PCED1B: variants seen among roughly 807,000 people sequenced by gnomAD.
The protein encoded by PCED1B is PC-esterase domain containing 1B, also known as PC-esterase domain-containing protein 1B.
For missense variants in PCED1B, 573 were observed against 573.9 expected, an observed-to-expected ratio of 1.00 and a Z score of 0.02; for synonymous variants, 251 against 246.1, an observed-to-expected ratio of 1.02 and a Z score of -0.19.
intron 2 of PCED1B, among the ~76,000 whole-genome samples, chr12:47,149,696 A>T (rs1940920147): frequency 1.3e-5 from 2 of 152,206 alleles, no homozygotes; most frequent in South Asian, 4.1e-4. Flanking sequence ...CAAAAATAAT[A>T]CTTATTCATT....
At chr12:47,087,574 A>G (rs1430992632) in intron 1 of PCED1B, among the ~76,000 whole-genome samples, 1 of 152,234 alleles carries the variant, frequency 6.6e-6, no homozygotes, top group African/African-American at 2.4e-5. Flanking sequence ...AGAAATAATT[A>G]TAGGATATAA....
At chr12:47,209,585 GAA>G (rs1196725788) in intron 2 of PCED1B, 2 of 152,204 alleles carry the variant, frequency 1.3e-5, no homozygotes, top group Non-Finnish European at 2.9e-5. Context: ...TTGATTTTGT[GAA>G]AAGAGTTGAT....
intron 2 of PCED1B, among the ~76,000 whole-genome samples, chr12:47,169,673 T>C (rs141585349): frequency 2.6e-5 from 4 of 152,262 alleles, no homozygotes; most frequent in African/African-American, 9.6e-5. Flanking sequence ...TACAAAGTAA[T>C]TACTAGTATA....
intron 2 of PCED1B, among the ~76,000 whole-genome samples, chr12:47,197,523 G>C (rs146556728): frequency 1.3e-5 from 2 of 151,332 alleles, no homozygotes; most frequent in African/African-American, 2.4e-5. Context: ...CAGGAGAATC[G>C]CTTAAACCCA....
chr12:47,235,849 G>A lies in PCED1B; in HGVS notation c.786G>A (p.Val262=). The part of the protein sequence containing the change: ...WGVELPHRHP[V]GEWIKKKKPG... ...TGGAGCTGCCCCACCGCCACCCCGT[G>A]GGCGAGTGGATCAAGAAGAAAAAAC... is the stretch of plus-strand genomic sequence containing the variant. Residue 262 remains valine, a synonymous_variant, in exon 4 of 4, where the codon GTG becomes GTA. Transcript: ENST00000546455. The A allele has an allele frequency of 1.3e-6, 2 of 1,575,278 alleles. No homozygotes were observed. The highest frequency in any genetic ancestry group is 4.7e-5 in the East Asian group (2 of 42,444).
chr12:47,099,288 G>A (rs1938605766), intron 1 of PCED1B, among the ~76,000 whole-genome samples: 1 of 152,198 alleles, frequency 6.6e-6, no homozygotes, highest in African/African-American at 2.4e-5. Context: ...AGGAGCACCG[G>A]AACACCGGCT....
chr12:47,176,815 T>C (rs1941939453), intron 2 of PCED1B, among the ~76,000 whole-genome samples: 1 of 152,078 alleles, frequency 6.6e-6, no homozygotes, highest in Admixed American at 6.5e-5. Flanking sequence ...CTGACGCTAT[T>C]TCCAATGTCA....
intron 1 of PCED1B, among the ~76,000 whole-genome samples, chr12:47,098,821 G>A (rs534240631): frequency 2.6e-5 from 4 of 152,258 alleles, no homozygotes; most frequent in South Asian, 4.1e-4. Context: ...AAAAGAGAGA[G>A]TCAAAAAACA....
At chr12:47,125,719 C>T (rs1939860203) in intron 2 of PCED1B, among the ~76,000 whole-genome samples, 1 of 152,056 alleles carries the variant, frequency 6.6e-6, no homozygotes, top group African/African-American at 2.4e-5. Flanking sequence ...AAGCCTTGGA[C>T]AGCTTTTGTC....
At chr12:47,223,151 G>A (rs1290430539) in intron 3 of PCED1B, among the ~76,000 whole-genome samples, 1 of 152,100 alleles carries the variant, frequency 6.6e-6, no homozygotes, top group Non-Finnish European at 1.5e-5. Flanking sequence ...TTGGGGAACT[G>A]CCAGAGAAAG....
chr12:47,125,910 A>C (rs963878711), intron 2 of PCED1B, among the ~76,000 whole-genome samples: 1 of 152,064 alleles, frequency 6.6e-6, no homozygotes, highest in East Asian at 1.9e-4. Flanking sequence ...AAAATGTTTC[A>C]TAGGATTTTC....
chr12:47,228,309 T>C (rs929669699), intron 3 of PCED1B, among the ~76,000 whole-genome samples: 3 of 152,048 alleles, frequency 2.0e-5, no homozygotes, highest in African/African-American at 7.2e-5. Flanking sequence ...ATTACAGGCA[T>C]GATCCACCGT....
chr12:47,213,866 T>A (rs773137669), intron 2 of PCED1B, among the ~76,000 whole-genome samples: 4 of 152,240 alleles, frequency 2.6e-5, no homozygotes, highest in Admixed American at 1.3e-4. Flanking sequence ...TCTGTTGATC[T>A]CAACTTTATT....
chr12:47,132,984 A>T (rs1207418220), intron 2 of PCED1B, among the ~76,000 whole-genome samples: 1 of 152,194 alleles, frequency 6.6e-6, no homozygotes, highest in Non-Finnish European at 1.5e-5. Flanking sequence ...ATACTATTCT[A>T]CTTTAATATG....
chr12:47,102,420 C>T (rs750561999), intron 1 of PCED1B, among the ~76,000 whole-genome samples: 2 of 152,176 alleles, frequency 1.3e-5, no homozygotes, highest in Non-Finnish European at 2.9e-5. Flanking sequence ...CATTCCCATT[C>T]GCCTATCCCT....
intron 2 of PCED1B, among the ~76,000 whole-genome samples, chr12:47,129,599 A>T (rs1025689693): frequency 2.0e-5 from 3 of 152,226 alleles, no homozygotes; most frequent in African/African-American, 7.2e-5. Context: ...TTAAAAAAAA[A>T]ATTTTTTTAA....
At chr12:47,186,185 T>TGTCAC (rs1942257923) in intron 2 of PCED1B, among the ~76,000 whole-genome samples, 1 of 144,936 alleles carries the variant, frequency 6.9e-6, no homozygotes, top group Non-Finnish European at 1.5e-5. Context: ...GCCCCTGCAC[T>TGTCAC]CCAGCCTGGG....
At position 47,235,269 on chromosome 12, in the gene PCED1B, A is replaced by T; in HGVS notation, c.206A>T (p.His69Leu). The T allele has an allele frequency of 6.2e-7, 1 of 1,614,106 alleles. No individual in the cohort carries two copies. The highest frequency in any genetic ancestry group is 8.5e-7 in the Non-Finnish European group (1 of 1,180,008). The change falls in exon 4 of 4, where the codon CAC (histidine) becomes CTC (leucine). Residue 69 changes from histidine to leucine, a missense_variant. Physicochemically the swap from His to Leu is moderately conservative, Grantham distance 99. Transcript: ENST00000546455. ...DELVDGGQRG[H>L]MHNGLNYREV... Reference sequence around the variant, plus strand: ...CTGGTGGACGGAGGCCAGCGGGGCCACATGCACAACGGCCTTAACTACCGT... The same window carrying T: ...CTGGTGGACGGAGGCCAGCGGGGCCTCATGCACAACGGCCTTAACTACCGT...
chr12:47,211,049 C>T (rs981889305), intron 2 of PCED1B, among the ~76,000 whole-genome samples: 16 of 152,146 alleles, frequency 1.1e-4, no homozygotes, highest in South Asian at 6.2e-4. Context: ...CTTTTCATGG[C>T]GCTATTTTCA....
Sources: gnomAD v4.1 joint callset for allele counts (sites outside exome capture counted in the v4.1 genomes callset) on GRCh38, gnomAD v4.1.1 for gene constraint, MANE v1.5 for transcripts, NCBI Gene and HGNC (gene_info 2026-07-23, HGNC 2026-07-21) for gene names.